The following SPON1 variants were observed in gnomAD, a reference collection of about 807,000 sequenced individuals.
SPON1 encodes spondin-1.
SPON1 carries 52 observed loss-of-function variants against 111.7 expected under a neutral mutation model. That is an observed-to-expected ratio of 0.47 (90% CI 0.37 to 0.59). The LOEUF is 0.59. SPON1 is among the 20% of genes least tolerant of loss of function. SPON1 has a pLI of 0.00. For synonymous variants in SPON1, 410 were observed against 395.8 expected (o/e 1.04, Z -0.43); for missense variants, 957 against 1,068.5 (o/e 0.90, Z 1.46).
At chr11:14,204,613 C>T (rs564713539) in intron 6 of SPON1, among the ~76,000 whole-genome samples, 2 of 151,216 alleles carry the variant, frequency 1.3e-5, no homozygotes, top group East Asian at 4.0e-4. Flanking sequence ...AACAAAGAGT[C>T]TTGAGGCTTA....
intron 2 of SPON1, among the ~76,000 whole-genome samples, chr11:14,003,879 T>A (rs1554912768): frequency 6.6e-6 from 1 of 152,176 alleles, no homozygotes; most frequent in Non-Finnish European, 1.5e-5. Flanking sequence ...TCTAGACTTG[T>A]TCATCCTATA....
At chr11:14,153,902 G>T (rs1208077047) in intron 6 of SPON1, among the ~76,000 whole-genome samples, 5 of 152,216 alleles carry the variant, frequency 3.3e-5, no homozygotes, top group Non-Finnish European at 5.9e-5. Context: ...AGGGGTTACA[G>T]GCGCTATGCA....
chr11:14,244,153 C>T (rs868925002), intron 7 of SPON1, among the ~76,000 whole-genome samples: 12 of 152,196 alleles, frequency 7.9e-5, no homozygotes, highest in East Asian at 1.9e-4. Flanking sequence ...ACCTGGACCA[C>T]GTCACCTTTT....
chr11:13,986,490 T>A (rs550525391), intron 2 of SPON1, among the ~76,000 whole-genome samples: 8 of 152,340 alleles, frequency 5.3e-5, no homozygotes, highest in South Asian at 4.1e-4. Flanking sequence ...ATATTTATCA[T>A]TTCTATGTGT....
intron 2 of SPON1, among the ~76,000 whole-genome samples, chr11:14,031,714 A>T (rs1001865923): frequency 1.3e-5 from 2 of 152,110 alleles, no homozygotes; most frequent in Non-Finnish European, 1.5e-5. Context: ...TGATAAACTT[A>T]CTTTTTAAAT....
At chr11:14,051,787 T>A (rs1162566381) in intron 3 of SPON1, among the ~76,000 whole-genome samples, 1 of 152,222 alleles carries the variant, frequency 6.6e-6, no homozygotes, top group Non-Finnish European at 1.5e-5. Flanking sequence ...CCCAATACAT[T>A]GATTAATCAA....
rs545479935 is a variant in SPON1, at chr11:14,036,458, A to G, written c.346-5063A>G. 9.8e-4 allele frequency among the ~76,000 whole-genome samples: 150 copies of G among 152,286 alleles called. 1 individual carries two copies. Among genetic ancestry groups the G allele is most frequent in the Non-Finnish European group, 1.9e-3 (128 of 68,012 alleles). On this transcript the variant is annotated intron_variant, in intron 2 of 15. Transcript: ENST00000576479. ...CCAAGGGTGACCTCCAGGGTTTCCGACTTGCACAATTGGAGTAGGACCAGG... is the reference window on the plus strand; with the variant it reads ...CCAAGGGTGACCTCCAGGGTTTCCGGCTTGCACAATTGGAGTAGGACCAGG...
At chr11:14,072,580 G>A (rs753787854) in intron 3 of SPON1, among the ~76,000 whole-genome samples, 3 of 152,074 alleles carry the variant, frequency 2.0e-5, no homozygotes, top group Non-Finnish European at 4.4e-5. Flanking sequence ...AATAAACATC[G>A]AAAGTCTGCA....
At chr11:14,127,724 G>C (rs1847477077) in intron 5 of SPON1, among the ~76,000 whole-genome samples, 1 of 152,236 alleles carries the variant, frequency 6.6e-6, no homozygotes, top group African/African-American at 2.4e-5. Flanking sequence ...CTGACACATA[G>C]TAAAGTCTCG....
chr11:14,168,961 T>A (rs577772671), intron 6 of SPON1, among the ~76,000 whole-genome samples: 21 of 152,342 alleles, frequency 1.4e-4, no homozygotes, highest in African/African-American at 4.6e-4. Flanking sequence ...ACAAAAAACA[T>A]ATGTGTGCAT....
intron 6 of SPON1, among the ~76,000 whole-genome samples, chr11:14,137,994 A>G (rs562573780): frequency 2.6e-5 from 4 of 152,366 alleles, no homozygotes; most frequent in Admixed American, 6.5e-5. Flanking sequence ...GTAAGAAACA[A>G]CATTAAAATA....
intron 6 of SPON1, among the ~76,000 whole-genome samples, chr11:14,216,788 T>C (rs550542966): frequency 3.6e-4 from 55 of 152,326 alleles, no homozygotes; most frequent in African/African-American, 1.2e-3. Flanking sequence ...CAAGGTTGCA[T>C]TGGAAATTAA....
intron 6 of SPON1, among the ~76,000 whole-genome samples, chr11:14,238,194 A>T (rs1300281766): frequency 1.3e-5 from 2 of 152,144 alleles, no homozygotes; most frequent in East Asian, 3.9e-4. Flanking sequence ...ACCTGTTTCT[A>T]TTCCTTTCCC....
chr11:14,059,635 C>G (rs900564422), intron 3 of SPON1, among the ~76,000 whole-genome samples: 4 of 152,146 alleles, frequency 2.6e-5, no homozygotes, highest in African/African-American at 9.7e-5. Flanking sequence ...TTCTTTGGAA[C>G]CAGGCTGCAT....
chr11:14,131,999 T>C (rs111591874), intron 5 of SPON1, among the ~76,000 whole-genome samples: 3,444 of 152,218 alleles, frequency 0.023, 140 homozygotes, highest in African/African-American at 0.078. Context: ...TTGAATTAGG[T>C]CGGGCGCAGT....
At chr11:14,247,540 G>A (rs535058993) in intron 7 of SPON1, among the ~76,000 whole-genome samples, 2 of 152,210 alleles carry the variant, frequency 1.3e-5, no homozygotes, top group Non-Finnish European at 2.9e-5. Flanking sequence ...GGCTACTTCA[G>A]AAAACCGGAG....
At chr11:14,104,325 T>G (rs1265131786) in intron 5 of SPON1, among the ~76,000 whole-genome samples, 2 of 152,072 alleles carry the variant, frequency 1.3e-5, no homozygotes, top group Non-Finnish European at 1.5e-5. Flanking sequence ...TCAATTTTTA[T>G]AGTTAATTTG....
chr11:13,976,590 C>A (rs532670164), intron 1 of SPON1, among the ~76,000 whole-genome samples: 2 of 152,154 alleles, frequency 1.3e-5, no homozygotes, highest in Non-Finnish European at 2.9e-5. Context: ...TACAGGAATG[C>A]AGTATTATGG....
intron 3 of SPON1, among the ~76,000 whole-genome samples, chr11:14,062,928 A>T: frequency 6.6e-6 from 1 of 152,120 alleles, no homozygotes. Flanking sequence ...GTGCTGCACC[A>T]TGGAGGTGGC....
Sources: allele counts gnomAD v4.1 joint callset (sites outside exome capture counted in the v4.1 genomes callset), GRCh38; gene constraint gnomAD v4.1.1; transcripts MANE v1.5; gene names NCBI Gene and HGNC (gene_info 2026-07-23, HGNC 2026-07-21).